Variants in ANO10 observed in about 807,000 individuals in gnomAD.
ANO10 encodes the protein anoctamin-10.
Under a neutral mutation model 74.7 loss-of-function variants are expected in ANO10, and 77 were observed. The ratio of observed to expected loss-of-function variants is 1.03; its 90% confidence interval spans 0.86 to 1.25. The LOEUF is 1.25. Among genes scored for constraint, ANO10 ranks in the 50% most tolerant of loss-of-function variants. The pLI, the probability that ANO10 is intolerant of heterozygous loss-of-function variation, is 0.00. For synonymous variants in ANO10, 279 were observed against 284.9 expected, an observed-to-expected ratio of 0.98 and a Z score of 0.21; for missense variants, 721 against 778.1, an observed-to-expected ratio of 0.93 and a Z score of 0.87.
At chr3:43,535,293 G>C (rs1200382580) in intron 11 of ANO10, among the ~76,000 whole-genome samples, 10 of 136,228 alleles carry the variant, frequency 7.3e-5, no homozygotes, top group South Asian at 4.7e-4. Flanking sequence ...TTTTTTGAAG[G>C]GGGGAAGAGG....
chr3:43,683,239 G>C (rs538826385), intron 1 of ANO10, among the ~76,000 whole-genome samples: 8 of 152,232 alleles, frequency 5.3e-5, no homozygotes, highest in East Asian at 1.9e-4. Context: ...AAGGTCTCAA[G>C]ATATAAAATC....
chr3:43,561,277 G>A lies in ANO10; in HGVS notation c.1419C>T (p.Asp473=). ...VKRKVQALKA[D]IDATLYEQVI... is the part of the protein sequence containing the mutation. ...CTTGTTCATATAATGTAGCATCAAT[G>A]TCTGCCTTTAAAGCCTGCACCTTCC... The change falls in exon 9 of 13, where the codon GAC becomes GAT. Residue 473 remains aspartate, a synonymous_variant. Transcript: ENST00000292246. 1 of 1,614,126 alleles carries A rather than the reference G, an allele frequency of 6.2e-7. No homozygotes were observed. Among genetic ancestry groups the A allele is most frequent in the Non-Finnish European group, 8.5e-7 (1 of 1,180,022 alleles).
At chr3:43,388,041 A>T (rs2092173879) in intron 12 of ANO10, among the ~76,000 whole-genome samples, 1 of 152,232 alleles carries the variant, frequency 6.6e-6, no homozygotes, top group Non-Finnish European at 1.5e-5. Flanking sequence ...ACATGCAGGA[A>T]GGCTTTATCT....
At chr3:43,653,239 C>G (rs1374893904) in intron 1 of ANO10, among the ~76,000 whole-genome samples, 1 of 151,842 alleles carries the variant, frequency 6.6e-6, no homozygotes, top group Non-Finnish European at 1.5e-5. Flanking sequence ...ATTATCAACA[C>G]CCTAATATAG....
intron 1 of ANO10, among the ~76,000 whole-genome samples, chr3:43,680,372 G>A (rs1229357426): frequency 6.6e-6 from 1 of 152,134 alleles, no homozygotes; most frequent in Non-Finnish European, 1.5e-5. Flanking sequence ...GAAGCAAGAA[G>A]AGAAGTTTAG....
chr3:43,665,223 A>G (rs1291411839), intron 1 of ANO10, among the ~76,000 whole-genome samples: 1 of 152,214 alleles, frequency 6.6e-6, no homozygotes, highest in Non-Finnish European at 1.5e-5. Context: ...ATGTCTTTGC[A>G]GGGACATGGA....
At position 43,491,223 on chromosome 3, in the gene ANO10, C is replaced by T. The variant is rs189459553; in HGVS notation, c.1798-58496G>A. ...TGGAAGTATGCCAACATACAAAACC[C>T]TAAGTCAGGCCAGACACAGTGGCCT... is the stretch of plus-strand genomic sequence containing the variant. On this transcript the variant is annotated intron_variant, in intron 11 of 12. Coordinates refer to ENST00000292246, the MANE Select transcript of ANO10 (RefSeq NM_018075.5). Among the ~76,000 whole-genome samples the T allele has an allele frequency of 7.9e-5, 12 of 152,254 alleles. No homozygotes were observed. The East Asian group carries it at 2.1e-3, about 27-fold the overall frequency.
intron 9 of ANO10, among the ~76,000 whole-genome samples, chr3:43,560,337 T>C (rs903055777): frequency 6.6e-5 from 10 of 152,008 alleles, no homozygotes; most frequent in Non-Finnish European, 1.3e-4. Context: ...AAGGCAGAAG[T>C]GAGCAGAGAG....
chr3:43,481,886 C>G (rs1333565349), intron 11 of ANO10, among the ~76,000 whole-genome samples: 1 of 151,092 alleles, frequency 6.6e-6, no homozygotes, highest in Non-Finnish European at 1.5e-5. Flanking sequence ...AACCAGTGTA[C>G]ATCTTGTATG....
At chr3:43,495,843 G>A (rs2076894835) in intron 11 of ANO10, among the ~76,000 whole-genome samples, 1 of 152,024 alleles carries the variant, frequency 6.6e-6, no homozygotes, top group African/African-American at 2.4e-5. Context: ...GGGACTACAG[G>A]TGCCTGCCAC....
At chr3:43,408,583 A>C (rs1332866826) in intron 12 of ANO10, among the ~76,000 whole-genome samples, 1 of 152,236 alleles carries the variant, frequency 6.6e-6, no homozygotes, top group East Asian at 1.9e-4. Context: ...CAAACCTGCG[A>C]TCTGAAACCT....
intron 11 of ANO10, among the ~76,000 whole-genome samples, chr3:43,495,539 A>G (rs763711846): frequency 7.9e-5 from 12 of 152,164 alleles, no homozygotes; most frequent in Non-Finnish European, 1.3e-4. Context: ...GATAAACCAC[A>G]CTCAAAAGAA....
At chr3:43,459,787 G>C (rs1218379044) in intron 11 of ANO10, among the ~76,000 whole-genome samples, 2 of 152,144 alleles carry the variant, frequency 1.3e-5, no homozygotes, top group East Asian at 3.9e-4. Flanking sequence ...GCTCCAGGCT[G>C]GTGGGTTAGT....
intron 11 of ANO10, among the ~76,000 whole-genome samples, chr3:43,519,120 C>A (rs2077838242): frequency 6.6e-6 from 1 of 152,140 alleles, no homozygotes; most frequent in African/African-American, 2.4e-5. Flanking sequence ...TCCTTTATTT[C>A]TCAGACCAGC....
intron 11 of ANO10, among the ~76,000 whole-genome samples, chr3:43,491,493 G>T (rs1388564762): frequency 1.3e-5 from 2 of 152,038 alleles, no homozygotes; most frequent in African/African-American, 4.8e-5. Context: ...CAGCCTGGGG[G>T]ATAGAGTAAA....
rs774293364 is a variant in ANO10, at chr3:43,580,411, G to A, written c.534C>T (p.Ala178=). ...ACCAGGTGTCCTCAAGCTTCTTCAG[G>A]GCTTCACTGTCATGCAGTGGAAACA... is the stretch of plus-strand genomic sequence containing the variant. ...IQVFPLHDSE[A]LKKLEDTWYT... Residue 178 remains alanine, a synonymous_variant, in exon 5 of 13, where the codon GCC becomes GCT. Transcript: ENST00000292246. 1 of 1,613,936 alleles carries A rather than the reference G, an allele frequency of 6.2e-7. No individual in the cohort carries two copies. Among genetic ancestry groups the A allele is most frequent in the Non-Finnish European group, 8.5e-7 (1 of 1,180,000 alleles).
At chr3:43,452,849 T>C (rs979685637) in intron 11 of ANO10, among the ~76,000 whole-genome samples, 1 of 152,220 alleles carries the variant, frequency 6.6e-6, no homozygotes, top group African/African-American at 2.4e-5. Context: ...TTGTTGTTAT[T>C]ATTTGCCTTT....
At chr3:43,613,448 T>C (rs1010630877) in intron 1 of ANO10, among the ~76,000 whole-genome samples, 14 of 152,144 alleles carry the variant, frequency 9.2e-5, no homozygotes, top group African/African-American at 3.1e-4. Context: ...ATAAGAAGAC[T>C]GGCCTGACCA....
chr3:43,384,971 G>A (rs1171161124), intron 12 of ANO10, among the ~76,000 whole-genome samples: 1 of 152,130 alleles, frequency 6.6e-6, no homozygotes, highest in Non-Finnish European at 1.5e-5. Context: ...ACAATCAGCA[G>A]AGTTAACAGA....
Sources: gnomAD v4.1 joint callset for allele counts (sites outside exome capture counted in the v4.1 genomes callset) on GRCh38, gnomAD v4.1.1 for gene constraint, MANE v1.5 for transcripts, NCBI Gene and HGNC (gene_info 2026-07-23, HGNC 2026-07-21) for gene names.